Variants in PTPRK observed in about 807,000 individuals in gnomAD.
PTPRK encodes the protein protein tyrosine phosphatase receptor type K.
A neutral mutation model predicts 178.0 loss-of-function variants in PTPRK; 75 were observed. The observed-to-expected ratio is 0.42, with a 90% CI of 0.35 to 0.51. The LOEUF (loss-of-function observed/expected upper bound fraction) is 0.51, where lower values mean the gene tolerates loss of function less well. Among genes scored for constraint, PTPRK ranks in the 20% least tolerant of loss-of-function variants. The pLI is 0.02. For missense variants in PTPRK, 1,441 were observed against 1,797.8 expected (o/e 0.80, Z 3.59); for synonymous variants, 637 against 620.6 (o/e 1.03, Z -0.39).
intron 7 of PTPRK, among the ~76,000 whole-genome samples, chr6:128,145,379 T>A (rs985749724): frequency 6.6e-6 from 1 of 152,152 alleles, no homozygotes; most frequent in Non-Finnish European, 1.5e-5. Flanking sequence ...TATATTCTTA[T>A]GTCCAAACTC....
chr6:128,043,722 G>T (rs1004434602), intron 13 of PTPRK, among the ~76,000 whole-genome samples: 22 of 151,670 alleles, frequency 1.5e-4, no homozygotes, highest in Admixed American at 6.6e-5. Context: ...TCAATATATA[G>T]AATCTGAATG....
chr6:128,464,662 T>C (rs1302985861), intron 1 of PTPRK, among the ~76,000 whole-genome samples: 3 of 112,856 alleles, frequency 2.7e-5, no homozygotes, highest in Admixed American at 2.6e-4. Context: ...TATATATATA[T>C]ATATATATAT....
intron 18 of PTPRK, chr6:127,995,106 A>G (rs1488726958): frequency 3.8e-6 from 3 of 793,492 alleles, no homozygotes; most frequent in Non-Finnish European, 6.0e-6. Context: ...AATTACAAAA[A>G]AACGAACAGA....
At chr6:128,039,667 G>A (rs913588371) in intron 13 of PTPRK, among the ~76,000 whole-genome samples, 3 of 152,172 alleles carry the variant, frequency 2.0e-5, no homozygotes, top group Admixed American at 1.3e-4. Flanking sequence ...TCCAAAGAAC[G>A]TGTCTTAGCA....
At chr6:128,120,750 T>C (rs572943509) in intron 7 of PTPRK, among the ~76,000 whole-genome samples, 9 of 152,072 alleles carry the variant, frequency 5.9e-5, no homozygotes, top group Non-Finnish European at 1.2e-4. Flanking sequence ...GTTTAAATTT[T>C]TTTAAGGAAG....
chr6:128,215,251 C>T (rs932626960), intron 6 of PTPRK, among the ~76,000 whole-genome samples: 3 of 152,098 alleles, frequency 2.0e-5, no homozygotes, highest in Non-Finnish European at 2.9e-5. Flanking sequence ...AGTGGGTCTT[C>T]GGTTTAGACA....
intron 3 of PTPRK, among the ~76,000 whole-genome samples, chr6:128,313,646 G>A (rs904519575): frequency 6.6e-6 from 1 of 152,154 alleles, no homozygotes; most frequent in Non-Finnish European, 1.5e-5. Flanking sequence ...GCTAAATGAC[G>A]AAGGACCTCA....
At chr6:128,273,437 C>T (rs1222257434) in intron 3 of PTPRK, among the ~76,000 whole-genome samples, 1 of 152,106 alleles carries the variant, frequency 6.6e-6, no homozygotes, top group African/African-American at 2.4e-5. Context: ...TTAATCTTTG[C>T]AAAGTCCTAT....
chr6:128,127,108 T>C (rs1793506235), intron 7 of PTPRK, among the ~76,000 whole-genome samples: 2 of 152,198 alleles, frequency 1.3e-5, no homozygotes, highest in African/African-American at 2.4e-5. Flanking sequence ...TTTGTATATG[T>C]CTATTCTGGG....
chr6:128,296,183 T>C (rs1454935358), intron 3 of PTPRK, among the ~76,000 whole-genome samples: 1 of 152,084 alleles, frequency 6.6e-6, no homozygotes, highest in Non-Finnish European at 1.5e-5. Flanking sequence ...CAGTGACTCC[T>C]TGCAACCCAT....
At chr6:128,186,765 TAG>T (rs1452965145) in intron 6 of PTPRK, among the ~76,000 whole-genome samples, 1 of 152,138 alleles carries the variant, frequency 6.6e-6, no homozygotes, top group Admixed American at 6.6e-5. Context: ...AAAGTTTTTG[TAG>T]AGAGGGAGAA....
intron 7 of PTPRK, among the ~76,000 whole-genome samples, chr6:128,129,439 T>C (rs1367879107): frequency 6.6e-6 from 1 of 152,194 alleles, no homozygotes; most frequent in Admixed American, 6.5e-5. Flanking sequence ...CCATTAGCTT[T>C]GATCACCAGG....
intron 3 of PTPRK, among the ~76,000 whole-genome samples, chr6:128,283,671 T>C (rs6914110): frequency 0.054 from 8,202 of 152,172 alleles, 754 homozygotes; most frequent in African/African-American, 0.19. Flanking sequence ...CACATATTCA[T>C]ACTAAAATTA....
chr6:128,436,111 A>G (rs932689891), intron 1 of PTPRK, among the ~76,000 whole-genome samples: 2 of 152,058 alleles, frequency 1.3e-5, no homozygotes, highest in African/African-American at 2.4e-5. Flanking sequence ...ATCCAAAAAG[A>G]TAATTTGTTG....
At chr6:128,495,942 A>C (rs1481966894) in intron 1 of PTPRK, among the ~76,000 whole-genome samples, 1 of 152,142 alleles carries the variant, frequency 6.6e-6, no homozygotes, top group Non-Finnish European at 1.5e-5. Context: ...CTTTGCTTGT[A>C]TCTCCTGCCT....
At chr6:128,389,812 T>C (rs1203420454) in intron 2 of PTPRK, among the ~76,000 whole-genome samples, 1 of 152,080 alleles carries the variant, frequency 6.6e-6, no homozygotes, top group Non-Finnish European at 1.5e-5. Flanking sequence ...AGATGCATTA[T>C]GTACCTGAAA....
chr6:128,460,159 G>A (rs563107557), intron 1 of PTPRK, among the ~76,000 whole-genome samples: 6 of 152,248 alleles, frequency 3.9e-5, no homozygotes, highest in African/African-American at 9.6e-5. Flanking sequence ...TGGGGACACC[G>A]ATCAAAACCA....
chr6:128,083,859 C>A, intron 8 of PTPRK, 35 bp from the exon 9 acceptor site: 1 of 1,223,542 alleles, frequency 8.2e-7, no homozygotes, highest in Non-Finnish European at 1.1e-6. Context: ...TATGAAAATG[C>A]TTACATTAGA....
chr6:128,342,659 T>C (rs946466306), intron 2 of PTPRK, among the ~76,000 whole-genome samples: 1 of 152,098 alleles, frequency 6.6e-6, no homozygotes, highest in Non-Finnish European at 1.5e-5. Context: ...ATAAATTATA[T>C]AGAAGTGTAT....
Sources: gnomAD v4.1 joint callset for allele counts (sites outside exome capture counted in the v4.1 genomes callset) on GRCh38, gnomAD v4.1.1 for gene constraint, MANE v1.5 for transcripts, NCBI Gene and HGNC (gene_info 2026-07-23, HGNC 2026-07-21) for gene names.